Variants in NXPH2 observed in about 807,000 individuals in gnomAD.
The protein encoded by NXPH2 is neurexophilin-2.
In NXPH2, 5 loss-of-function variants were observed where a neutral mutation model predicts 19.8. The ratio of observed to expected loss-of-function variants is 0.25; its 90% confidence interval spans 0.13 to 0.53. The LOEUF is 0.53. Ranked by LOEUF, NXPH2 falls within the 20% of genes least tolerant of loss-of-function variation. The pLI is 0.96. For synonymous variants in NXPH2, 154 were observed against 127.4 expected (o/e 1.21, Z -1.41); for missense variants, 289 against 322.8 (o/e 0.90, Z 0.80).
At chr2:138,695,443 G>A (rs1265476188) in intron 1 of NXPH2, among the ~76,000 whole-genome samples, 1 of 152,132 alleles carries the variant, frequency 6.6e-6, no homozygotes, top group East Asian at 1.9e-4. Context: ...CCAGGTGCTT[G>A]CTTGGGAAGA....
intron 1 of NXPH2, among the ~76,000 whole-genome samples, chr2:138,772,884 T>C (rs1682201373): frequency 6.6e-6 from 1 of 152,220 alleles, no homozygotes; most frequent in Non-Finnish European, 1.5e-5. Context: ...GTGGTGTGCT[T>C]TTGTTGCTTC....
intron 1 of NXPH2, among the ~76,000 whole-genome samples, chr2:138,777,020 T>G (rs1682273817): frequency 6.6e-6 from 1 of 151,848 alleles, no homozygotes; most frequent in African/African-American, 2.4e-5. Context: ...TGTAAGAAAC[T>G]GATTTTTTAA....
intron 1 of NXPH2, among the ~76,000 whole-genome samples, chr2:138,678,243 G>A (rs1680516657): frequency 6.6e-6 from 1 of 152,172 alleles, no homozygotes; most frequent in Admixed American, 6.5e-5. Context: ...TTACGCTAGG[G>A]TTAGGGGTTT....
At chr2:138,752,610 T>C (rs1339635656) in intron 1 of NXPH2, among the ~76,000 whole-genome samples, 1 of 152,146 alleles carries the variant, frequency 6.6e-6, no homozygotes, top group Non-Finnish European at 1.5e-5. Flanking sequence ...CCAATATTGA[T>C]ATATTATTAT....
intron 1 of NXPH2, among the ~76,000 whole-genome samples, chr2:138,681,394 A>C (rs1375260039): frequency 6.6e-6 from 1 of 152,196 alleles, no homozygotes; most frequent in Non-Finnish European, 1.5e-5. Context: ...CTTTAAGAGA[A>C]TGTTTTCAGA....
intron 1 of NXPH2, among the ~76,000 whole-genome samples, chr2:138,694,623 C>T (rs1175766437): frequency 6.6e-6 from 1 of 152,144 alleles, no homozygotes; most frequent in Non-Finnish European, 1.5e-5. Context: ...TTATAGCTTG[C>T]AGCCTATGAG....
chr2:138,708,666 G>A (rs1194752522), intron 1 of NXPH2, among the ~76,000 whole-genome samples: 1 of 152,176 alleles, frequency 6.6e-6, no homozygotes, highest in Non-Finnish European at 1.5e-5. Context: ...GTGAGGTATA[G>A]TGCTTATTAT....
chr2:138,746,309 G>A (rs1482097736), intron 1 of NXPH2, among the ~76,000 whole-genome samples: 1 of 152,242 alleles, frequency 6.6e-6, no homozygotes, highest in East Asian at 1.9e-4. Context: ...GAAAGGACAA[G>A]CTATTCAGTA....
intron 1 of NXPH2, among the ~76,000 whole-genome samples, chr2:138,693,182 G>C (rs1680769638): frequency 6.6e-6 from 1 of 152,112 alleles, no homozygotes; most frequent in African/African-American, 2.4e-5. Context: ...GTGGCCATCT[G>C]TTCTGGTCAT....
At chr2:138,735,168 T>C (rs573573409) in intron 1 of NXPH2, among the ~76,000 whole-genome samples, 33 of 152,312 alleles carry the variant, frequency 2.2e-4, no homozygotes, top group African/African-American at 7.7e-4. Context: ...GTAATCAGCC[T>C]CCTATAATTC....
At chr2:138,751,112 C>T (rs1253499292) in intron 1 of NXPH2, among the ~76,000 whole-genome samples, 1 of 80,198 alleles carries the variant, frequency 1.2e-5, no homozygotes, top group Non-Finnish European at 3.5e-5. Context: ...AGACTTACTG[C>T]TATTTTCTAT....
chr2:138,745,453 C>A (rs189674742), intron 1 of NXPH2, among the ~76,000 whole-genome samples: 7 of 136,904 alleles, frequency 5.1e-5, no homozygotes, highest in African/African-American at 2.1e-4. Context: ...GTTTCCACTT[C>A]GGTGCAATGC....
intron 1 of NXPH2, among the ~76,000 whole-genome samples, chr2:138,727,678 G>A (rs1035788027): frequency 1.5e-4 from 16 of 109,704 alleles, no homozygotes; most frequent in East Asian, 6.7e-4. Flanking sequence ...AGGCGGGGGG[G>A]GTTCTTTTGC....
chr2:138,738,088 C>G (rs1341177691), intron 1 of NXPH2, among the ~76,000 whole-genome samples: 6 of 144,944 alleles, frequency 4.1e-5, no homozygotes, highest in Non-Finnish European at 7.5e-5. Context: ...CACAACAGGC[C>G]CTGGTGTGTG....
At chr2:138,693,685 T>C (rs968786185) in intron 1 of NXPH2, among the ~76,000 whole-genome samples, 1 of 152,034 alleles carries the variant, frequency 6.6e-6, no homozygotes, top group South Asian at 2.1e-4. Flanking sequence ...CCAGGTGAGA[T>C]TCACAGTGGT....
intron 1 of NXPH2, among the ~76,000 whole-genome samples, chr2:138,779,718 TGA>T (rs1405911948): frequency 6.6e-6 from 1 of 152,172 alleles, no homozygotes; most frequent in Non-Finnish European, 1.5e-5. Context: ...TACCTGGCTC[TGA>T]GAACGAGGAT....
intron 1 of NXPH2, among the ~76,000 whole-genome samples, chr2:138,723,283 C>G (rs1378511237): frequency 6.6e-6 from 1 of 152,036 alleles, no homozygotes; most frequent in Non-Finnish European, 1.5e-5. Context: ...GATTTAGTTC[C>G]AGGAGGGGGA....
At chr2:138,773,268 G>A (rs973445175) in intron 1 of NXPH2, among the ~76,000 whole-genome samples, 5 of 152,216 alleles carry the variant, frequency 3.3e-5, no homozygotes, top group African/African-American at 7.2e-5. Context: ...CGAGACTACG[G>A]AAAACACGCT....
chr2:138,771,224 A>G (rs1682170023), intron 1 of NXPH2, among the ~76,000 whole-genome samples: 1 of 152,180 alleles, frequency 6.6e-6, no homozygotes, highest in South Asian at 2.1e-4. Context: ...TGGCATATCA[A>G]TGCCATGAAA....
Sources: gnomAD v4.1 joint callset for allele counts (sites outside exome capture counted in the v4.1 genomes callset) on GRCh38, gnomAD v4.1.1 for gene constraint, MANE v1.5 for transcripts, NCBI Gene and HGNC (gene_info 2026-07-23, HGNC 2026-07-21) for gene names.